The following TANGO6 variants were observed in gnomAD, a reference collection of about 807,000 sequenced individuals.
TANGO6 encodes transport and Golgi organization protein 6 homolog.
Under a neutral mutation model 114.2 loss-of-function variants are expected in TANGO6, and 90 were observed. The ratio of observed to expected loss-of-function variants is 0.79; its 90% CI spans 0.66 to 0.94. The LOEUF (loss-of-function observed/expected upper bound fraction) is 0.94. TANGO6 is among the 40% of genes least tolerant of loss of function. TANGO6 has a pLI of 0.00. For synonymous variants in TANGO6, 477 were observed against 509.8 expected, an observed-to-expected ratio of 0.94 and a Z score of 0.87; for missense variants, 1,274 against 1,315.3, an observed-to-expected ratio of 0.97 and a Z score of 0.49.
At chr16:68,934,147 G>GGTAGGAC (rs1963276458) in intron 14 of TANGO6, among the ~76,000 whole-genome samples, 2 of 151,416 alleles carry the variant, frequency 1.3e-5, no homozygotes, top group Non-Finnish European at 2.9e-5. Context: ...GGCTCAAGCA[G>GGTAGGAC]TCCTACCACG....
At chr16:69,040,203 C>A in intron 16 of TANGO6, 105 bp from the exon 17 acceptor site, 2 of 950,996 alleles carry the variant, frequency 2.1e-6, no homozygotes, top group Non-Finnish European at 1.6e-6. Context: ...CTCTCTAAGC[C>A]AGATTGCTCT....
intron 17 of TANGO6, among the ~76,000 whole-genome samples, chr16:69,082,124 C>T (rs1017189015): frequency 2.0e-5 from 3 of 152,182 alleles, no homozygotes; most frequent in Non-Finnish European, 4.4e-5. Flanking sequence ...GCTGGGATTA[C>T]AGGTGCCTGC....
At chr16:68,963,441 G>T (rs1459254735) in intron 14 of TANGO6, among the ~76,000 whole-genome samples, 1 of 152,100 alleles carries the variant, frequency 6.6e-6, no homozygotes, top group Admixed American at 6.5e-5. Context: ...TTACACCCTA[G>T]TTCCAATCCC....
intron 15 of TANGO6, among the ~76,000 whole-genome samples, chr16:69,020,900 ATGTATGTGTGTGTGTGTGTG>A (rs1474794387): frequency 1.6e-5 from 2 of 126,408 alleles, no homozygotes; most frequent in Non-Finnish European, 3.3e-5. Flanking sequence ...TTATATATGT[ATGTATGTGTGTGTGTGTGTG>A]TGTGTGTGTG....
intron 17 of TANGO6, among the ~76,000 whole-genome samples, chr16:69,058,760 T>G (rs113730633): frequency 0.14 from 21,265 of 151,066 alleles, 1,826 homozygotes; most frequent in African/African-American, 0.24. Context: ...CTGCTTCCCG[T>G]GTTCACACCA....
chr16:69,023,176 C>T (rs1959441699), intron 16 of TANGO6, among the ~76,000 whole-genome samples, 197 bp downstream of exon 16: 1 of 152,040 alleles, frequency 6.6e-6, no homozygotes. Context: ...TTAGTAAGGG[C>T]CGGGCATGGT....
intron 14 of TANGO6, among the ~76,000 whole-genome samples, chr16:68,960,499 T>C (rs1318178479): frequency 2.6e-5 from 4 of 151,664 alleles, no homozygotes; most frequent in Non-Finnish European, 5.9e-5. Context: ...TTAATTATTA[T>C]TCTTATTTAT....
intron 13 of TANGO6, among the ~76,000 whole-genome samples, chr16:68,929,038 C>T (rs1054369571): frequency 6.6e-6 from 1 of 152,166 alleles, no homozygotes; most frequent in African/African-American, 2.4e-5. Flanking sequence ...TCTGCCTCAG[C>T]CTCCCAAGTA....
intron 17 of TANGO6, among the ~76,000 whole-genome samples, chr16:69,043,751 G>A (rs1004199152): frequency 1.3e-5 from 2 of 152,292 alleles, no homozygotes; most frequent in Non-Finnish European, 2.9e-5. Context: ...CCCAGGAACA[G>A]CTGAAGTGAA....
intron 14 of TANGO6, among the ~76,000 whole-genome samples, chr16:68,969,420 A>G (rs1477587913): frequency 2.6e-5 from 4 of 152,014 alleles, no homozygotes; most frequent in Non-Finnish European, 4.4e-5. Context: ...GACTCTCTTC[A>G]CTGCTTGGTG....
intron 14 of TANGO6, among the ~76,000 whole-genome samples, chr16:68,940,105 T>C (rs922811690): frequency 1.3e-5 from 2 of 151,546 alleles, no homozygotes; most frequent in African/African-American, 2.4e-5. Context: ...CTTCCTTCCT[T>C]CTTTTCCTTC....
chr16:68,974,415 A>C (rs1022492513), intron 15 of TANGO6, among the ~76,000 whole-genome samples: 1 of 152,186 alleles, frequency 6.6e-6, no homozygotes, highest in African/African-American at 2.4e-5. Context: ...TAATCCCAGC[A>C]CTTTGGGAGG....
At chr16:69,040,963 T>A (rs572240738) in intron 17 of TANGO6, among the ~76,000 whole-genome samples, 25 of 152,024 alleles carry the variant, frequency 1.6e-4, no homozygotes, top group Non-Finnish European at 2.4e-4. Flanking sequence ...TATATATATA[T>A]AAAAAACCAT....
chr16:68,895,329 A>T lies in TANGO6; in HGVS notation c.1378-5105A>T, dbSNP rs1246788742. Among the ~76,000 whole-genome samples, 3 of 152,218 alleles carry T rather than the reference A, an allele frequency of 2.0e-5. No homozygotes were observed. The East Asian group carries it at 5.8e-4, about 29-fold the overall frequency. On this transcript the variant is annotated intron_variant, in intron 7 of 17. Coordinates refer to ENST00000261778, the MANE Select transcript of TANGO6 (RefSeq NM_024562.2). The stretch of plus-strand genomic sequence containing the variant: ...ATGCCACTGCACTCCAGCCTGGACC[A>T]CAGAGCAAGACTTTGTCTCAAAAAA...
At position 68,880,796 on chromosome 16, in the gene TANGO6, A is replaced by C. The variant is rs2152170950; in HGVS notation, c.1377+166A>C. ...TTCCTTAGCCTCCCAAAGTGCTGGG[A>C]TTACAGGTGTGAGCCGCTGCTCCCA... On this transcript the variant is annotated intron_variant, in intron 7 of 17. Coordinates refer to ENST00000261778, the MANE Select transcript of TANGO6 (RefSeq NM_024562.2). Among the ~76,000 whole-genome samples the C allele has an allele frequency of 2.0e-5, 3 of 152,194 alleles. 1 individual carries two copies. In the Middle Eastern group the frequency reaches 0.01, roughly 518 times the overall value.
chr16:69,022,789 T>C, intron 15 of TANGO6, 39 bp from the exon 16 acceptor site: 1 of 1,541,118 alleles, frequency 6.5e-7, no homozygotes, highest in Non-Finnish European at 8.7e-7. Context: ...AGTTGAAATT[T>C]TGTTTTAAGG....
At chr16:68,868,392 T>C (rs1962212641) in intron 4 of TANGO6, among the ~76,000 whole-genome samples, 1 of 151,746 alleles carries the variant, frequency 6.6e-6, no homozygotes, top group Non-Finnish European at 1.5e-5. Context: ...TAGTGAAAAA[T>C]AGCAGTCCTC....
intron 14 of TANGO6, among the ~76,000 whole-genome samples, chr16:68,953,740 C>A (rs1326441928): frequency 6.6e-6 from 1 of 152,170 alleles, no homozygotes. Context: ...CTCATACTGT[C>A]TTCTTGGTCG....
chr16:69,036,462 G>T (rs1959688291), intron 16 of TANGO6, among the ~76,000 whole-genome samples: 1 of 152,182 alleles, frequency 6.6e-6, no homozygotes, highest in Non-Finnish European at 1.5e-5. Flanking sequence ...TGACAGAGGG[G>T]TTGAGGAAGT....
Sources: allele counts gnomAD v4.1 joint callset (sites outside exome capture counted in the v4.1 genomes callset), GRCh38; gene constraint gnomAD v4.1.1; transcripts MANE v1.5; gene names NCBI Gene and HGNC (gene_info 2026-07-23, HGNC 2026-07-21).